Variants in MYCBPAP observed in about 807,000 individuals in gnomAD.
MYCBPAP encodes MYCBP associated protein.
In MYCBPAP, 60 loss-of-function variants were observed where a neutral mutation model predicts 106.1. The observed-to-expected ratio is 0.57, with a 90% confidence interval of 0.46 to 0.70. The LOEUF (loss-of-function observed/expected upper bound fraction) is 0.70. MYCBPAP is among the 30% of genes least tolerant of loss of function. The pLI is 0.00. For missense variants in MYCBPAP, 1,064 were observed against 1,169.3 expected (o/e 0.91, Z 1.31); for synonymous variants, 407 against 440.6 (o/e 0.92, Z 0.95).
rs185737235 is a variant in MYCBPAP, at chr17:50,518,793, C to G, written c.652+69C>G. 9.5e-5 allele frequency: 147 copies of G among 1,545,198 alleles called. No homozygotes were observed. The African/African-American group carries it at 1.7e-3, about 17-fold the overall frequency. On this transcript the variant is annotated intron_variant, in intron 5 of 18. Transcript: ENST00000323776. Reference sequence around the variant, plus strand: ...GCAAGGCTCTGCTGGGTTGTTTGCTCTCCTCCAGAGCCTGGCCTTGGGCTG... The same window carrying G: ...GCAAGGCTCTGCTGGGTTGTTTGCTGTCCTCCAGAGCCTGGCCTTGGGCTG...
chr17:50,526,012 C>T lies in MYCBPAP; in HGVS notation c.1914C>T (p.Ala638=), dbSNP rs1337779928. ...EHVSPIATEK[A]SVNAELLPRF... is the part of the protein sequence containing the mutation. ...TCAGCCCCATAGCCACAGAGAAGGC[C>T]TCTGTGAATGCTGAGCTGTTACCAC... The change falls in exon 14 of 19, where the codon GCC becomes GCT. Residue 638 remains alanine, a synonymous_variant. Transcript: ENST00000323776. The T allele has an allele frequency of 6.2e-7, 1 of 1,613,948 alleles. No homozygotes were observed. The highest frequency in any genetic ancestry group is 1.7e-5 in the Admixed American group (1 of 60,012).
At position 50,519,789 on chromosome 17, in the gene MYCBPAP, T is replaced by A. The variant is rs1198566953; in HGVS notation, c.916+2T>A. 6.2e-7 allele frequency: 1 copy of A among 1,613,014 alleles called. No homozygotes were observed. On this transcript the variant is annotated splice_donor_variant, in intron 7 of 18. Coordinates refer to ENST00000323776, the MANE Select transcript of MYCBPAP (RefSeq NM_032133.6). LOFTEE classifies it high-confidence loss of function. ...CCCACTCCATCCGGGTGGAGACAGG[T>A]GAGGCGCAGGGCTGTAAGCCAGCTA...
At position 50,531,343 on chromosome 17, in the gene MYCBPAP, A is replaced by C. The variant is rs1423897424; in HGVS notation, c.2741A>C (p.Asp914Ala). 8.7e-6 allele frequency: 14 copies of C among 1,612,710 alleles called. No individual in the cohort carries two copies. Among genetic ancestry groups the C allele is most frequent in the Non-Finnish European group, 1.1e-5 (13 of 1,179,590 alleles). ...TTCTTCCAGGTCCGTGGGCTGCTGGACACCCTGGTGACTGACCTGATGGTC... is the reference window on the plus strand; with the variant it reads ...TTCTTCCAGGTCCGTGGGCTGCTGGCCACCCTGGTGACTGACCTGATGGTC... ...SLHSEVRGLL[D>A]TLVTDLMVLA... The change falls in exon 19 of 19, where the codon GAC becomes GCC. Residue 914 changes from aspartate to alanine, a missense_variant. Physicochemically the swap from Asp to Ala is moderately radical, Grantham distance 126. Transcript: ENST00000323776.
intron 1 of MYCBPAP, 129 bp downstream of exon 1, chr17:50,508,879 G>C: frequency 2.2e-6 from 2 of 892,022 alleles, no homozygotes; most frequent in Non-Finnish European, 3.7e-6. Context: ...CGGGGAAGTG[G>C]GGTACTGGGC....
chr17:50,512,095 A>G lies in MYCBPAP; in HGVS notation c.76+3345A>G, dbSNP rs1597819347. Among the ~76,000 whole-genome samples, 4 of 130,030 alleles carry G rather than the reference A, an allele frequency of 3.1e-5. No homozygotes were observed. In the South Asian group the frequency reaches 9.7e-4, roughly 31 times the overall value. 85.3% of individuals were successfully genotyped at this position (130,030 alleles called of 152,430 possible). A position where few individuals can be genotyped will look rare whatever the true frequency, so the allele number is the denominator to read the frequency against. On this transcript the variant is annotated intron_variant, in intron 1 of 18. Transcript: ENST00000323776. ...GAGACGGAGTCTTGCTCTGTCGCCC[A>G]GGCTCTGGAGTGCAGTGGTGCAAAC...
At chr17:50,525,312 C>T (rs1426469926) in intron 13 of MYCBPAP, among the ~76,000 whole-genome samples, 1 of 152,194 alleles carries the variant, frequency 6.6e-6, no homozygotes, top group Non-Finnish European at 1.5e-5. Flanking sequence ...CCCTGCCATC[C>T]GTGGAAAAAT....
chr17:50,517,551 G>C (rs879745079), intron 3 of MYCBPAP, 44 bp from the exon 4 acceptor site: 5 of 1,613,446 alleles, frequency 3.1e-6, no homozygotes, highest in Non-Finnish European at 3.4e-6. Flanking sequence ...CTTGAAAGTT[G>C]TCCACCCACA....
At position 50,523,628 on chromosome 17, in the gene MYCBPAP, T is replaced by A. The variant is rs188733266; in HGVS notation, c.1479T>A (p.Phe493Leu). The A allele has an allele frequency of 6.2e-7, 1 of 1,614,194 alleles. No individual in the cohort carries two copies. The highest frequency in any genetic ancestry group is 2.2e-5 in the East Asian group (1 of 44,896). ...TTCTGCCTGGAGAAATTAAAACATT[T>A]ACCTTCTTCTTCAAGTCTTTGACTG... ...GVILPGEIKT[F>L]TFFFKSLTAG... The change falls in exon 12 of 19, where the codon TTT becomes TTA. Residue 493 changes from phenylalanine (F) to leucine (L), a missense_variant. Coordinates refer to ENST00000323776, the MANE Select transcript of MYCBPAP (RefSeq NM_032133.6).
In MYCBPAP at chr17:50,521,832, C is replaced by T. The variant is rs1054790984; in HGVS notation, c.1149-141C>T. The stretch of plus-strand genomic sequence containing the variant: ...ACAGCAATGGGTCAGGAGGAAGCTG[C>T]GTGGGAGTGGAGTTGATCATACTCC... On this transcript the variant is annotated intron_variant, in intron 9 of 18. Coordinates refer to ENST00000323776, the MANE Select transcript of MYCBPAP (RefSeq NM_032133.6). 1.2e-5 allele frequency: 8 copies of T among 680,182 alleles called. No homozygotes were observed. In the Admixed American group the frequency reaches 1.2e-4, roughly 10 times the overall value. 42.1% of individuals were successfully genotyped at this position (680,182 alleles called of 1,614,324 possible).
intron 7 of MYCBPAP, 88 bp from the exon 8 acceptor site, chr17:50,521,022 G>T: frequency 9.8e-7 from 1 of 1,016,296 alleles, no homozygotes; most frequent in Non-Finnish European, 1.5e-6. Flanking sequence ...AATGGTGTTG[G>T]GATAGGCACT....
chr17:50,522,922 G>T lies in MYCBPAP; in HGVS notation c.1258-17G>T. The T allele has an allele frequency of 6.2e-7, 1 of 1,602,892 alleles. No homozygotes were observed. Among genetic ancestry groups the T allele is most frequent in the African/African-American group, 1.3e-5 (1 of 74,588 alleles). ...AGGGTTTGCAGCAAAGACATTTCTTGTCCCTCCTCCTTCCAGAGGCAGGTT... is the reference window on the plus strand; with the variant it reads ...AGGGTTTGCAGCAAAGACATTTCTTTTCCCTCCTCCTTCCAGAGGCAGGTT... On this transcript the variant is annotated splice_polypyrimidine_tract_variant and intron_variant, in intron 10 of 18. Coordinates refer to ENST00000323776, the MANE Select transcript of MYCBPAP (RefSeq NM_032133.6).
At position 50,519,776 on chromosome 17, in the gene MYCBPAP, G is replaced by C; in HGVS notation, c.905G>C (p.Arg302Pro). 3 of 1,613,594 alleles carry C rather than the reference G, an allele frequency of 1.9e-6. No individual in the cohort carries two copies. Among genetic ancestry groups the C allele is most frequent in the Non-Finnish European group, 2.5e-6 (3 of 1,179,846 alleles). ...ITHIRKPHSI[R>P]VETGLPAQRD... ...CACATCAGGAAGCCCCACTCCATCCGGGTGGAGACAGGTGAGGCGCAGGGC... is the reference window on the plus strand; with the variant it reads ...CACATCAGGAAGCCCCACTCCATCCCGGTGGAGACAGGTGAGGCGCAGGGC... Residue 302 changes from arginine to proline, a missense_variant, in exon 7 of 19, where the codon CGG becomes CCG. Transcript: ENST00000323776.
intron 12 of MYCBPAP, 57 bp from the exon 13 acceptor site, chr17:50,524,820 G>A (rs1427848004): frequency 2.5e-5 from 40 of 1,579,678 alleles, no homozygotes; most frequent in Middle Eastern, 3.4e-4. Flanking sequence ...ACTTCCTGAA[G>A]GATGCATTGG....
chr17:50,527,179 C>T, intron 14 of MYCBPAP, 108 bp from the exon 15 acceptor site: 1 of 1,489,030 alleles, frequency 6.7e-7, no homozygotes, highest in Non-Finnish European at 9.2e-7. Context: ...TAGCTGCATC[C>T]CCTCCTGGTT....
intron 1 of MYCBPAP, among the ~76,000 whole-genome samples, chr17:50,513,362 G>A (rs2033929230): frequency 6.6e-6 from 1 of 151,234 alleles, no homozygotes; most frequent in Admixed American, 6.6e-5. Context: ...ACTCCAGCCT[G>A]GGGGACAGAG....
rs1427186625 is a variant in MYCBPAP at position 50,523,123 on chromosome 17, G to A, written c.1442G>A (p.Arg481Gln). The A allele has an allele frequency of 1.4e-5, 23 of 1,613,208 alleles. No individual in the cohort carries two copies. The highest frequency in any genetic ancestry group is 2.2e-5 in the East Asian group (1 of 44,870). Residue 481 changes from arginine to glutamine, a missense_variant, in exon 11 of 19, where the codon CGG (arginine) becomes CAG (glutamine). By Grantham distance (43) the Arg-to-Gln change is conservative. Coordinates refer to ENST00000323776, the MANE Select transcript of MYCBPAP (RefSeq NM_032133.6). ...ATGCAGCGATTTTACTTTGACAACC[G>A]GGAAGGTACTCGGGAGAAGCCACCC... ...NRMQRFYFDN[R>Q]EGVILPGEIK... is the part of the protein sequence containing the mutation.
chr17:50,523,167 T>G, intron 11 of MYCBPAP, 39 bp downstream of exon 11: 1 of 1,591,634 alleles, frequency 6.3e-7, no homozygotes, highest in Non-Finnish European at 8.6e-7. Context: ...AGCTCCTGTC[T>G]GGGGCTGGTT....
intron 1 of MYCBPAP, among the ~76,000 whole-genome samples, chr17:50,512,053 C>CTTTTTT (rs774304337): frequency 1.5e-5 from 2 of 131,856 alleles, no homozygotes; most frequent in African/African-American, 5.9e-5. Context: ...AGCAAGTTTT[C>CTTTTTT]TTTTTTTTTT....
At chr17:50,523,179 T>C in intron 11 of MYCBPAP, 51 bp downstream of exon 11, 1 of 1,576,192 alleles carries the variant, frequency 6.3e-7, no homozygotes, top group South Asian at 1.1e-5. Flanking sequence ...GGGCTGGTTT[T>C]GTCCTCCGTG....
Sources: gnomAD v4.1 joint callset for allele counts (sites outside exome capture counted in the v4.1 genomes callset) on GRCh38, gnomAD v4.1.1 for gene constraint, MANE v1.5 for transcripts, NCBI Gene and HGNC (gene_info 2026-07-23, HGNC 2026-07-21) for gene names.